PKN3: variants seen among roughly 807,000 people sequenced by gnomAD.
PKN3 encodes the protein protein kinase N3, also known as serine/threonine-protein kinase N3.
In PKN3, 91 loss-of-function variants were observed where a neutral mutation model predicts 113.1. That is an observed-to-expected ratio of 0.80 (90% confidence interval 0.68 to 0.96). PKN3 has a LOEUF of 0.96. Ranked by LOEUF, PKN3 falls within the 40% of genes least tolerant of loss-of-function variation. PKN3 has a pLI of 0.00. For synonymous variants in PKN3, 467 were observed against 499.0 expected, an observed-to-expected ratio of 0.94 and a Z score of 0.85; for missense variants, 1,052 against 1,202.2, an observed-to-expected ratio of 0.88 and a Z score of 1.85.
At chr9:128,719,576 A>G in intron 18 of PKN3, 110 bp from the exon 19 acceptor site, 4 of 1,107,578 alleles carry the variant, frequency 3.6e-6, no homozygotes, top group Non-Finnish European at 5.2e-6. Flanking sequence ...CCTTGGGTAC[A>G]GGGCAGGGCT....
At chr9:128,719,602 T>C (rs1400327063) in intron 18 of PKN3, 84 bp from the exon 19 acceptor site, 22 of 1,389,140 alleles carry the variant, frequency 1.6e-5, no homozygotes, top group African/African-American at 2.9e-5. Context: ...CAGGCTCAGC[T>C]CCCTGGCATC....
In PKN3 at chr9:128,713,507, G is replaced by A; in HGVS notation, c.1101G>A (p.Glu367=). Residue 367 remains glutamate (E), a synonymous_variant, in exon 9 of 22, where the codon GAG becomes GAA. Transcript: ENST00000291906. The part of the protein sequence containing the change: ...TFVIPLERAR[E]LEIGVHWRDW... Reference sequence around the variant, plus strand: ...TGGCCTCCCCAATACAGGCCCGTGAGCTGGAGATTGGGGTACACTGGCGGG... The same window carrying A: ...TGGCCTCCCCAATACAGGCCCGTGAACTGGAGATTGGGGTACACTGGCGGG... The A allele has an allele frequency of 1.9e-6, 3 of 1,614,078 alleles. No homozygotes were observed. The highest frequency in any genetic ancestry group is 2.5e-6 in the Non-Finnish European group (3 of 1,179,996).
At position 128,707,331 on chromosome 9, in the gene PKN3, C is replaced by T. The variant is rs200481836; in HGVS notation, c.761C>T (p.Thr254Ile). ...PPAHPLRSRV[T>I]RELRAAVPGY... Reference sequence around the variant, plus strand: ...GCCCACCCTTTGCGCAGCAGAGTGACCCGAGAGTTGCGGGCTGCGGTGCCT... The same window carrying T: ...GCCCACCCTTTGCGCAGCAGAGTGATCCGAGAGTTGCGGGCTGCGGTGCCT... Residue 254 changes from threonine to isoleucine, a missense_variant, in exon 6 of 22, where the codon ACC becomes ATC. Physicochemically the swap from Thr to Ile is moderately conservative, Grantham distance 89. This residue lies in a region of PKN3 where 719 missense variants were observed against 759.4 expected (regional missense o/e 0.95). Coordinates refer to ENST00000291906, the MANE Select transcript of PKN3 (RefSeq NM_013355.5). 175 of 1,613,820 alleles carry T rather than the reference C, an allele frequency of 1.1e-4. No individual in the cohort carries two copies. The highest frequency in any genetic ancestry group is 3.3e-4 in the Middle Eastern group (2 of 6,082).
chr9:128,703,605 G>C (rs1418577277), intron 1 of PKN3: 1 of 985,304 alleles, frequency 1.0e-6, no homozygotes, highest in Non-Finnish European at 1.2e-6. Flanking sequence ...GTTCCGGAGC[G>C]AGTGGTTGGG....
rs114852136 is a variant in PKN3 at position 128,714,057 on chromosome 9, C to T, written c.1248C>T (p.Cys416=). 2.0e-4 allele frequency: 319 copies of T among 1,614,078 alleles called. No homozygotes were observed. The East Asian group carries it at 5.7e-3, about 29-fold the overall frequency. The part of the protein sequence containing the change: ...QGLLFAQVTF[C]DPVIERRPRL... Reference sequence around the variant, plus strand: ...CCCTACCCCTGCAGGTGACCTTCTGCGATCCTGTCATTGAGAGGCGGCCCC... The same window carrying T: ...CCCTACCCCTGCAGGTGACCTTCTGTGATCCTGTCATTGAGAGGCGGCCCC... The change falls in exon 10 of 22, where the codon TGC becomes TGT. Residue 416 remains cysteine (C), a synonymous_variant. Transcript: ENST00000291906.
rs999163892 is a variant in PKN3, at chr9:128,705,439, A to G, written c.161A>G (p.Gln54Arg). ...GACCGCCGCCACTTGGGCCATGTGC[A>G]GCAGCTGCTGCGGTCCTCCAACCGC... Reference protein sequence around the residue: ...ATDRRHLGHVQQLLRSSNRRL... With the variant: ...ATDRRHLGHVRQLLRSSNRRL... Residue 54 changes from glutamine to arginine, a missense_variant, in exon 2 of 22, where the codon CAG (glutamine) becomes CGG (arginine). Physicochemically the swap from Gln to Arg is conservative, Grantham distance 43 (BLOSUM62 1). Around this residue, in one of 2 missense-constraint regions of PKN3, gnomAD observed 719 missense variants for 759.4 expected, o/e 0.95. Transcript: ENST00000291906. 4.4e-6 allele frequency: 7 copies of G among 1,585,350 alleles called. No homozygotes were observed. Among genetic ancestry groups the G allele is most frequent in the African/African-American group, 1.3e-5 (1 of 74,252 alleles).
chr9:128,709,454 CA>C (rs570482817), intron 6 of PKN3, among the ~76,000 whole-genome samples: 74 of 132,130 alleles, frequency 5.6e-4, no homozygotes, highest in Admixed American at 4.6e-4. Context: ...GAGCCCGTCT[CA>C]AAAAAAAAAA....
In PKN3 at chr9:128,714,815, T is replaced by C. The variant is rs140023799; in HGVS notation, c.1602T>C (p.His534=). 5.3e-5 allele frequency: 85 copies of C among 1,613,766 alleles called. No individual in the cohort carries two copies. The highest frequency in any genetic ancestry group is 7.2e-5 in the Non-Finnish European group (85 of 1,179,936). The change falls in exon 13 of 22, where the codon CAT becomes CAC. Residue 534 remains histidine (H), a synonymous_variant. Coordinates refer to ENST00000291906, the MANE Select transcript of PKN3 (RefSeq NM_013355.5). ...SEETPRTKRP[H]MEPRTRRGPS... is the part of the protein sequence containing the mutation. ...ACTCACAGCGCACCAAACGTCCCCA[T>C]ATGGAGCCTAGGACTCGACGTGGGC...
At chr9:128,713,411 A>G in intron 8 of PKN3, 24 bp downstream of exon 8, 1 of 1,613,076 alleles carries the variant, frequency 6.2e-7, no homozygotes, top group Non-Finnish European at 8.5e-7. Flanking sequence ...TTGTGTGGTC[A>G]GGGGTGACCT....
In PKN3 at chr9:128,719,989, C is replaced by T. The variant is rs760938513; in HGVS notation, c.2348C>T (p.Ser783Leu). The change falls in exon 20 of 22, where the codon TCG (serine) becomes TTG (leucine). Residue 783 changes from serine to leucine, a missense_variant. Ser to Leu is a moderately radical substitution (Grantham distance 145). Coordinates refer to ENST00000291906, the MANE Select transcript of PKN3 (RefSeq NM_013355.5). ...GACGCCCCCTACCCCGGCTTTCTGT[C>T]GGTGCAAGGGCTTGAGTTCATTCAG... is the stretch of plus-strand genomic sequence containing the variant. ...NMDAPYPGFL[S>L]VQGLEFIQKL... 1.7e-5 allele frequency: 28 copies of T among 1,613,896 alleles called. No homozygotes were observed. Among genetic ancestry groups the T allele is most frequent in the East Asian group, 2.2e-5 (1 of 44,894 alleles).
chr9:128,704,206 G>C lies in PKN3; in HGVS notation c.25-1097G>C, dbSNP rs139226707. 3.2e-6 allele frequency: 3 copies of C among 952,216 alleles called. No homozygotes were observed. The South Asian group carries it at 1.5e-4, about 46-fold the overall frequency. 59.0% of individuals were successfully genotyped at this position (952,216 alleles called of 1,614,324 possible). On this transcript the variant is annotated intron_variant, in intron 1 of 21. Transcript: ENST00000291906. ...CGGCCTGAGGTCACCTTTGGCACCG[G>C]TTGGTTTGAAATGCTGGCGGCTGGA... is the stretch of plus-strand genomic sequence containing the variant.
chr9:128,714,175 TA>T (rs1469758336), intron 10 of PKN3, 21 bp from the exon 11 acceptor site: 2 of 1,613,880 alleles, frequency 1.2e-6, no homozygotes, highest in Non-Finnish European at 1.7e-6. Flanking sequence ...GTCCCGGGAC[TA>T]AGCTCCCCCT....
Position 128,713,534 on chromosome 9 carries a change from C to T in PKN3, c.1128C>T (p.Asp376=). The part of the protein sequence containing the change: ...RELEIGVHWR[D]WRQLCGVAFL... The stretch of plus-strand genomic sequence containing the variant: ...TGGAGATTGGGGTACACTGGCGGGA[C>T]TGGCGGCAGCTATGTGGCGTGGCCT... Residue 376 remains aspartate (D), a synonymous_variant, in exon 9 of 22, where the codon GAC becomes GAT. Coordinates refer to ENST00000291906, the MANE Select transcript of PKN3 (RefSeq NM_013355.5). The T allele has an allele frequency of 6.2e-7, 1 of 1,613,952 alleles. No individual in the cohort carries two copies. The highest frequency in any genetic ancestry group is 1.3e-5 in the African/African-American group (1 of 75,044).
Position 128,705,790 on chromosome 9 carries a change from G to C in PKN3, c.322G>C (p.Glu108Gln). The part of the protein sequence containing the change: ...WAEQLRARHL[E>Q]ALRRQLHVEL... ...AGAGCAGCTCAGGGCTCGGCACCTA[G>C]AGGCTCTCCGGAGGCAGCTGCATGT... is the stretch of plus-strand genomic sequence containing the variant. Residue 108 changes from glutamate to glutamine, a missense_variant, in exon 3 of 22, where the codon GAG becomes CAG. Around this residue, in one of 2 missense-constraint regions of PKN3, gnomAD observed 719 missense variants for 759.4 expected, o/e 0.95. Coordinates refer to ENST00000291906, the MANE Select transcript of PKN3 (RefSeq NM_013355.5). The C allele has an allele frequency of 6.2e-7, 1 of 1,608,442 alleles. No homozygotes were observed. The highest frequency in any genetic ancestry group is 8.5e-7 in the Non-Finnish European group (1 of 1,177,620).
rs775289389 is a variant in PKN3 at position 128,714,320 on chromosome 9, G to A, written c.1436G>A (p.Arg479Gln). 47 of 1,611,040 alleles carry A rather than the reference G, an allele frequency of 2.9e-5. No homozygotes were observed. Among genetic ancestry groups the A allele is most frequent in the East Asian group, 8.9e-5 (4 of 44,832 alleles). Reference protein sequence around the residue: ...STISPPKGCPRTPTTLREASD... With the variant: ...STISPPKGCPQTPTTLREASD... ...ATCAGCCCCCCTAAAGGATGCCCTC[G>A]GACCCCAACAACACTGCGAGAGGCC... The change falls in exon 11 of 22, where the codon CGG becomes CAG. Residue 479 changes from arginine to glutamine, a missense_variant. Physicochemically the swap from Arg to Gln is conservative, Grantham distance 43 (BLOSUM62 1). Around this residue, in one of 2 missense-constraint regions of PKN3, gnomAD observed 719 missense variants for 759.4 expected, o/e 0.95. Coordinates refer to ENST00000291906, the MANE Select transcript of PKN3 (RefSeq NM_013355.5).
chr9:128,709,077 A>C (rs1164262842), intron 6 of PKN3, among the ~76,000 whole-genome samples: 1 of 151,328 alleles, frequency 6.6e-6, no homozygotes, highest in Non-Finnish European at 1.5e-5. Context: ...CGAGGTCAGG[A>C]GATCGAGACC....
At chr9:128,718,726 G>A in intron 18 of PKN3, 101 bp downstream of exon 18, 1 of 1,128,294 alleles carries the variant, frequency 8.9e-7, no homozygotes, top group Non-Finnish European at 1.3e-6. Context: ...CTCCTCACCT[G>A]CGGATGCCCT....
At chr9:128,719,655 A>G (rs1311293615) in intron 18 of PKN3, 31 bp from the exon 19 acceptor site, 1 of 1,523,760 alleles carries the variant, frequency 6.6e-7, no homozygotes. Context: ...GGCCACACCA[A>G]GCAGCTATTG....
At chr9:128,716,459 G>A (rs573211758) in intron 15 of PKN3, among the ~76,000 whole-genome samples, 23 of 152,122 alleles carry the variant, frequency 1.5e-4, no homozygotes, top group African/African-American at 4.1e-4. Flanking sequence ...TTAGCTGGGC[G>A]TGGTGGCGCA....
Sources: gnomAD v4.1 joint callset for allele counts (sites outside exome capture counted in the v4.1 genomes callset) on GRCh38, gnomAD v4.1.1 for gene constraint, gnomAD v4.1.1 regional missense constraint, MANE v1.5 for transcripts, NCBI Gene and HGNC (gene_info 2026-07-23, HGNC 2026-07-21) for gene names.